Variants in SASH1 observed in about 807,000 individuals in gnomAD.
SASH1 encodes SAM and SH3 domain-containing protein 1.
In SASH1, 44 loss-of-function variants were observed where a neutral mutation model predicts 125.2. The observed-to-expected ratio is 0.35, with a 90% CI of 0.28 to 0.45. The LOEUF (loss-of-function observed/expected upper bound fraction) is 0.45. SASH1 is among the 20% of genes least tolerant of loss of function. The pLI is 1.00. For missense variants in SASH1, 1,426 were observed against 1,614.5 expected, an observed-to-expected ratio of 0.88 and a Z score of 2.00; for synonymous variants, 639 against 649.1, an observed-to-expected ratio of 0.98 and a Z score of 0.24.
Position 148,544,844 on chromosome 6 carries a change from G to A in SASH1, c.3348+26G>A, listed in dbSNP as rs571551160. ...GTATCAAAGGTCCTGGGCCCACCAC[G>A]TTCACAGGCCTTTGTTTGTAGAAGT... On this transcript the variant is annotated intron_variant, in intron 18 of 19. Coordinates refer to ENST00000367467, the MANE Select transcript of SASH1 (RefSeq NM_015278.5). This position sits in a 1 kb window ranked among gnomAD's most constrained non-coding sequence, Gnocchi z 6.4. 7.2e-6 allele frequency: 11 copies of A among 1,533,684 alleles called. No homozygotes were observed. The highest frequency in any genetic ancestry group is 2.3e-5 in the East Asian group (1 of 42,634).
chr6:148,397,254 G>T (rs1029741056), intron 2 of SASH1, among the ~76,000 whole-genome samples: 4 of 152,056 alleles, frequency 2.6e-5, no homozygotes, highest in African/African-American at 9.7e-5. Context: ...GCTGAGGCAC[G>T]TGGATCACCT....
intron 9 of SASH1, 73 bp downstream of exon 9, chr6:148,514,529 T>C: frequency 7.3e-7 from 1 of 1,368,048 alleles, no homozygotes; most frequent in Non-Finnish European, 9.4e-7. Flanking sequence ...TCATTTGGGG[T>C]CAGTTTCTCA....
At chr6:148,545,151 A>G (rs922467701) in intron 18 of SASH1, among the ~76,000 whole-genome samples, 1 of 152,220 alleles carries the variant, frequency 6.6e-6, no homozygotes, top group Non-Finnish European at 1.5e-5. Flanking sequence ...GGGTAATGGG[A>G]AAAAGATAAT....
chr6:148,281,023 A>G (rs1230318199), intron 1 of SASH1, among the ~76,000 whole-genome samples: 2 of 149,074 alleles, frequency 1.3e-5, no homozygotes, highest in African/African-American at 5.0e-5. Flanking sequence ...GGCTCACTGA[A>G]CCTCCACCTC....
rs372666348 is a variant in SASH1, at chr6:148,377,730, G to A, written c.157-12404G>A. 3.9e-5 allele frequency among the ~76,000 whole-genome samples: 6 copies of A among 152,208 alleles called. 1 individual carries two copies. Among genetic ancestry groups the A allele is most frequent in the African/African-American group, 1.4e-4 (6 of 41,520 alleles). Reference sequence around the variant, plus strand: ...TTCTAGATCTTTATTTTTATAATAGGTTGGAATTCTGTGCCACTCATGTGA... The same window carrying A: ...TTCTAGATCTTTATTTTTATAATAGATTGGAATTCTGTGCCACTCATGTGA... On this transcript the variant is annotated intron_variant, in intron 1 of 19. Coordinates refer to ENST00000367467, the MANE Select transcript of SASH1 (RefSeq NM_015278.5).
At chr6:148,208,063 C>G in the SASH1 span, among the ~76,000 whole-genome samples, 9 of 152,154 alleles carry the variant, frequency 5.9e-5, no homozygotes, top group African/African-American at 2.2e-4. Flanking sequence ...CCATTCCTGC[C>G]CCACCTCTTC....
chr6:148,485,670 A>G lies in SASH1; in HGVS notation c.628-1944A>G, dbSNP rs138332028. 6.5e-3 allele frequency among the ~76,000 whole-genome samples: 992 copies of G among 152,296 alleles called. 6 individuals are homozygous for G. The highest frequency in any genetic ancestry group is 0.011 in the Non-Finnish European group (726 of 68,030). On this transcript the variant is annotated intron_variant, in intron 7 of 19. Coordinates refer to ENST00000367467, the MANE Select transcript of SASH1 (RefSeq NM_015278.5). ...GGTTCTGCATTCAAGCTCTTACTCA[A>G]TAATCAATACTGCCTACCTCCTCCC...
the SASH1 span, among the ~76,000 whole-genome samples, chr6:148,226,022 G>A: frequency 6.6e-6 from 1 of 152,202 alleles, no homozygotes; most frequent in Non-Finnish European, 1.5e-5. Flanking sequence ...AAGACAGTAT[G>A]AAAAGGAAGC....
chr6:148,400,419 A>G (rs576272153), intron 2 of SASH1, among the ~76,000 whole-genome samples: 31 of 152,344 alleles, frequency 2.0e-4, no homozygotes, highest in African/African-American at 4.6e-4. Context: ...ATCTCTCACC[A>G]CAGCTCCTGT....
chr6:148,464,352 C>T (rs1015915820), intron 4 of SASH1, among the ~76,000 whole-genome samples: 4 of 152,150 alleles, frequency 2.6e-5, no homozygotes, highest in Admixed American at 2.6e-4. Context: ...ATTTTTAAAG[C>T]ACAGCAGAAT....
At chr6:148,428,371 G>C (rs1428964740) in intron 2 of SASH1, among the ~76,000 whole-genome samples, 1 of 152,222 alleles carries the variant, frequency 6.6e-6, no homozygotes, top group Non-Finnish European at 1.5e-5. Context: ...GCTCATGCCT[G>C]TAATCCCAGC....
chr6:148,353,933 G>A (rs190726559), intron 1 of SASH1, among the ~76,000 whole-genome samples: 8 of 152,202 alleles, frequency 5.3e-5, no homozygotes, highest in Non-Finnish European at 1.0e-4. Flanking sequence ...GTTTTGGGAG[G>A]CCAAGACAGG....
chr6:148,508,818 G>GA, intron 8 of SASH1: 1 of 622,802 alleles, frequency 1.6e-6, no homozygotes, highest in Non-Finnish European at 2.5e-6. Flanking sequence ...GTGGGGAGGG[G>GA]GGTGGGAGGT....
the SASH1 span, among the ~76,000 whole-genome samples, chr6:148,266,208 A>G: frequency 2.0e-5 from 3 of 152,262 alleles, no homozygotes; most frequent in South Asian, 4.1e-4. Context: ...TCCTGACCTC[A>G]GGTGATCCAC....
chr6:148,284,116 G>A (rs929968478), intron 1 of SASH1, among the ~76,000 whole-genome samples: 5 of 152,074 alleles, frequency 3.3e-5, no homozygotes, highest in Non-Finnish European at 5.9e-5. Context: ...TAATAGGCAG[G>A]CTAAATTTTA....
chr6:148,285,728 C>T (rs1779464692), intron 1 of SASH1, among the ~76,000 whole-genome samples: 1 of 152,134 alleles, frequency 6.6e-6, no homozygotes, highest in South Asian at 2.1e-4. Context: ...ATATATCAGT[C>T]CTGCAACCCT....
At chr6:148,257,828 A>G in the SASH1 span, among the ~76,000 whole-genome samples, 1 of 151,976 alleles carries the variant, frequency 6.6e-6, no homozygotes, top group Non-Finnish European at 1.5e-5. Context: ...ACGGGGTTTC[A>G]ACATGTTGCC....
chr6:148,502,500 ACT>A lies in SASH1; in HGVS notation c.730-11823_730-11822del, dbSNP rs539588229. Among the ~76,000 whole-genome samples, 27 of 152,300 alleles carry A rather than the reference ACT, an allele frequency of 1.8e-4. No individual in the cohort carries two copies. The South Asian group carries it at 3.9e-3, about 22-fold the overall frequency. On this transcript the variant is annotated intron_variant, in intron 8 of 19. Transcript: ENST00000367467. The stretch of plus-strand genomic sequence containing the variant: ...CGAAGAATAACACATTAACCTGATG[ACT>A]GTGACCAAAAGGCCTCTGCCACGGC...
At chr6:148,494,633 C>CA (rs1319256842) in intron 8 of SASH1, among the ~76,000 whole-genome samples, 21 of 151,974 alleles carry the variant, frequency 1.4e-4, no homozygotes, top group Non-Finnish European at 5.9e-5. Context: ...CTCAAAAAAA[C>CA]AAAAAACAAA....
Sources: allele counts gnomAD v4.1 joint callset (sites outside exome capture counted in the v4.1 genomes callset), GRCh38; gene constraint gnomAD v4.1.1; non-coding constraint Gnocchi (gnomAD v3.1); transcripts MANE v1.5; gene names NCBI Gene and HGNC (gene_info 2026-07-23, HGNC 2026-07-21).